NLRP11: variants seen among roughly 807,000 people sequenced by gnomAD.
NLRP11 encodes NACHT, LRR and PYD domains-containing protein 11.
Under a neutral mutation model 79.3 loss-of-function variants are expected in NLRP11, and 53 were observed. That is an observed-to-expected ratio of 0.67 (90% confidence interval 0.54 to 0.84). The LOEUF (loss-of-function observed/expected upper bound fraction) is 0.84. Among genes scored for constraint, NLRP11 ranks in the 40% least tolerant of loss-of-function variants. NLRP11 has a pLI of 0.00. For synonymous variants in NLRP11, 518 were observed against 462.6 expected, an observed-to-expected ratio of 1.12 and a Z score of -1.54; for missense variants, 1,264 against 1,255.0, an observed-to-expected ratio of 1.01 and a Z score of -0.11.
chr19:55,802,407 T>C (rs944126452), intron 4 of NLRP11, among the ~76,000 whole-genome samples: 1 of 152,180 alleles, frequency 6.6e-6, no homozygotes, highest in Non-Finnish European at 1.5e-5. Flanking sequence ...AAATCGGAAA[T>C]GTAATTCTAT....
Position 55,809,053 on chromosome 19 carries a change from G to C in NLRP11, c.1557C>G (p.Asp519Glu). The stretch of plus-strand genomic sequence containing the variant: ...ATCCCACCGAGTACCACTTGAAGCT[G>C]TCTACCATCGGTAGCTGGTATCCAA... Residue 519 changes from aspartate to glutamate, a missense_variant, in exon 3 of 10, where the codon GAC (aspartate) becomes GAG (glutamate). Physicochemically the swap from Asp to Glu is conservative, Grantham distance 45. Coordinates refer to ENST00000589093, the Ensembl canonical transcript of NLRP11. The surrounding 1 kb of genome is among the most constrained non-coding windows in gnomAD (Gnocchi z 4.5). 1 of 1,614,006 alleles carries C rather than the reference G, an allele frequency of 6.2e-7. No homozygotes were observed. Among genetic ancestry groups the C allele is most frequent in the Non-Finnish European group, 8.5e-7 (1 of 1,179,984 alleles).
intron 1 of NLRP11, among the ~76,000 whole-genome samples, chr19:55,828,500 A>C (rs1982440927): frequency 6.6e-6 from 1 of 152,230 alleles, no homozygotes; most frequent in Non-Finnish European, 1.5e-5. Context: ...GAGAATACTC[A>C]TTGCAACAAA....
chr19:55,789,329 GTTTTTCATT>G (rs988689537), exon 8 of NLRP11: 17 of 1,614,064 alleles, frequency 1.1e-5, no homozygotes, highest in Non-Finnish European at 1.4e-5. Flanking sequence ...AGGCTCCTCA[GTTTTTCATT>G]AGTAGCAATA....
At chr19:55,823,010 C>T (rs577858805) in intron 1 of NLRP11, among the ~76,000 whole-genome samples, 92 of 151,040 alleles carry the variant, frequency 6.1e-4, no homozygotes, top group Non-Finnish European at 1.1e-3. Context: ...CTTAAATGTC[C>T]CTGTCTGACA....
chr19:55,820,164 CCT>C (rs1300475461), intron 1 of NLRP11, among the ~76,000 whole-genome samples: 5 of 152,058 alleles, frequency 3.3e-5, no homozygotes, highest in African/African-American at 9.7e-5. Flanking sequence ...GCAGTCACTC[CCT>C]GTTTCCCTCT....
intron 1 of NLRP11, among the ~76,000 whole-genome samples, chr19:55,828,331 G>A (rs1296951276): frequency 2.0e-5 from 3 of 151,430 alleles, no homozygotes; most frequent in Non-Finnish European, 4.4e-5. Flanking sequence ...ACAAGTTAGT[G>A]GGTGCAGCGC....
chr19:55,817,944 A>C, exon 2 of NLRP11: 2 of 1,613,406 alleles, frequency 1.2e-6, no homozygotes, highest in Non-Finnish European at 1.7e-6. Flanking sequence ...GATCTTCCTT[A>C]CGCATCATTG....
Position 55,809,146 on chromosome 19 carries a change from A to G in NLRP11, c.1464T>C (p.Phe488=), listed in dbSNP as rs1018547023. 1 of 1,613,950 alleles carries G rather than the reference A, an allele frequency of 6.2e-7. No individual in the cohort carries two copies. Among genetic ancestry groups the G allele is most frequent in the Non-Finnish European group, 8.5e-7 (1 of 1,179,964 alleles). Residue 488 remains phenylalanine (F), a synonymous_variant, in exon 3 of 10, where the codon TTT becomes TTC. Transcript: ENST00000589093. The surrounding 1 kb of genome is among the most constrained non-coding windows in gnomAD (Gnocchi z 4.5). ...CAAAAATGAAAGTAAACACTTGATT[A>G]AAGTCAGAGTATTGTTCTCTCTTCT...
chr19:55,792,674 G>C (rs1409632817), intron 6 of NLRP11, among the ~76,000 whole-genome samples: 1 of 152,340 alleles, frequency 6.6e-6, no homozygotes, highest in Non-Finnish European at 1.5e-5. Context: ...GGATGATGCA[G>C]AACAGGGCAT....
chr19:55,818,060 G>T, exon 2 of NLRP11: 1 of 1,614,156 alleles, frequency 6.2e-7, no homozygotes, highest in Non-Finnish European at 8.5e-7. Flanking sequence ...AACTGTGGCA[G>T]TTTGAAATCA....
At chr19:55,807,926 C>A (rs943378140) in exon 4 of NLRP11, 1 of 1,612,228 alleles carries the variant, frequency 6.2e-7, no homozygotes, top group South Asian at 1.1e-5. Context: ...CCATTAAGGT[C>A]ATTGTCAAAG....
At chr19:55,810,235 C>T (rs548457430) in exon 3 of NLRP11, 92 of 1,614,012 alleles carry the variant, frequency 5.7e-5, no homozygotes, top group Admixed American at 5.0e-4. Flanking sequence ...ACACATCTGA[C>T]GAAACGTCAC....
chr19:55,815,145 T>C (rs1430250406), intron 2 of NLRP11, among the ~76,000 whole-genome samples: 2 of 152,124 alleles, frequency 1.3e-5, no homozygotes, highest in South Asian at 2.1e-4. Flanking sequence ...TTATGGAGTA[T>C]GTAAATATGG....
chr19:55,822,116 G>C (rs1342834982), intron 1 of NLRP11, among the ~76,000 whole-genome samples: 1 of 152,128 alleles, frequency 6.6e-6, no homozygotes, highest in Non-Finnish European at 1.5e-5. Flanking sequence ...AAAAAATTAG[G>C]CAAGCATGGT....
At chr19:55,828,934 T>C (rs1280837410) in intron 1 of NLRP11, among the ~76,000 whole-genome samples, 4 of 152,148 alleles carry the variant, frequency 2.6e-5, no homozygotes, top group African/African-American at 9.7e-5. Flanking sequence ...TTTAAAGTTA[T>C]TAAGAATTCT....
chr19:55,806,503 C>T (rs1050547054), intron 4 of NLRP11, among the ~76,000 whole-genome samples: 22 of 152,254 alleles, frequency 1.4e-4, no homozygotes, highest in African/African-American at 3.1e-4. Flanking sequence ...CCCCGGAGTT[C>T]GCACCTCACC....
chr19:55,800,354 G>A (rs2122767614), intron 5 of NLRP11, among the ~76,000 whole-genome samples: 1 of 152,284 alleles, frequency 6.6e-6, no homozygotes, highest in South Asian at 2.1e-4. Flanking sequence ...TGCCCAGGCT[G>A]GAACGTGCAG....
upstream of NLRP11, among the ~76,000 whole-genome samples, chr19:55,836,080 C>T (rs899707488): frequency 6.6e-5 from 10 of 152,138 alleles, no homozygotes; most frequent in Admixed American, 6.5e-5. Context: ...GCCGAGATGA[C>T]GCCACTGCAC....
intron 6 of NLRP11, 48 bp downstream of exon 6, chr19:55,796,032 C>T (rs1568629646): frequency 6.6e-7 from 1 of 1,521,868 alleles, no homozygotes; most frequent in Non-Finnish European, 9.1e-7. Context: ...CTTAGATATT[C>T]AAGTCAGTCT....
Sources: allele counts gnomAD v4.1 joint callset (sites outside exome capture counted in the v4.1 genomes callset), GRCh38; gene constraint gnomAD v4.1.1; non-coding constraint Gnocchi (gnomAD v3.1); transcripts MANE v1.5; gene names NCBI Gene and HGNC (gene_info 2026-07-23, HGNC 2026-07-21).